The following MLLT3 variants were observed in gnomAD, a reference collection of about 807,000 sequenced individuals.
The protein encoded by MLLT3 is MLLT3 super elongation complex subunit, also known as protein AF-9.
MLLT3 carries 4 observed loss-of-function variants against 53.2 expected under a neutral mutation model. That is an observed-to-expected ratio of 0.08 (90% confidence interval 0.04 to 0.17). The LOEUF (loss-of-function observed/expected upper bound fraction) is 0.17. Ranked by LOEUF, MLLT3 falls within the 10% of genes least tolerant of loss-of-function variation. The probability of loss-of-function intolerance (pLI) is 1.00; values close to 1 mark genes in which losing one functional copy is unlikely to be tolerated. For missense variants in MLLT3, 569 were observed against 684.0 expected (o/e 0.83, Z 1.87); for synonymous variants, 283 against 230.6 (o/e 1.23, Z -2.06).
At chr9:20,542,351 C>T (rs550999513) in intron 2 of MLLT3, among the ~76,000 whole-genome samples, 20 of 151,704 alleles carry the variant, frequency 1.3e-4, no homozygotes, top group Non-Finnish European at 2.5e-4. Context: ...CCCAGGTTCA[C>T]GCCATTCTCC....
chr9:20,572,834 G>C (rs192853592), intron 2 of MLLT3, among the ~76,000 whole-genome samples: 1 of 152,214 alleles, frequency 6.6e-6, no homozygotes, highest in East Asian at 1.9e-4. Flanking sequence ...GTAACATCCA[G>C]ATTTCTCAGT....
At chr9:20,403,702 A>C (rs1486951290) in intron 5 of MLLT3, among the ~76,000 whole-genome samples, 1 of 152,218 alleles carries the variant, frequency 6.6e-6, no homozygotes, top group Non-Finnish European at 1.5e-5. Context: ...ACTTTAAATT[A>C]AAATAACGCT....
chr9:20,545,722 T>G (rs935544960), intron 2 of MLLT3, among the ~76,000 whole-genome samples: 1 of 152,040 alleles, frequency 6.6e-6, no homozygotes, highest in African/African-American at 2.4e-5. Flanking sequence ...ACATTCATAT[T>G]CAATTATGAA....
intron 4 of MLLT3, among the ~76,000 whole-genome samples, chr9:20,416,831 TAAAAG>T (rs990814680): frequency 3.9e-5 from 6 of 151,952 alleles, no homozygotes; most frequent in Admixed American, 6.5e-5. Context: ...ATTTAAAAAA[TAAAAG>T]GAGAGAGAGC....
intron 7 of MLLT3, among the ~76,000 whole-genome samples, chr9:20,361,140 C>T (rs1821311734): frequency 6.6e-6 from 1 of 152,186 alleles, no homozygotes; most frequent in South Asian, 2.1e-4. Context: ...AATTCAAATA[C>T]AAGCAAGTGG....
intron 2 of MLLT3, among the ~76,000 whole-genome samples, chr9:20,555,904 A>C (rs1445315651): frequency 6.6e-6 from 1 of 152,246 alleles, no homozygotes; most frequent in African/African-American, 2.4e-5. Context: ...TCTGCCAACA[A>C]ATCATTAAAA....
In MLLT3 at chr9:20,343,214, A is replaced by AAAAAAAAAAAAAAAAAAAAAAAAAATTT. The variant is rs56934102; in HGVS notation, c.*3228_*3229insAAATTTTTTTTTTTTTTTTTTTTTTTTT. ...AAAAAAAAAAAAAAAAAAAAAAAAA[A>AAAAAAAAAAAAAAAAAAAAAAAAAATTT]TTTTGAAGAAACTTTTTAGTGGAAG... On this transcript the variant is annotated 3_prime_UTR_variant, in exon 11 of 11. Transcript: ENST00000380338. 1 of 115,062 alleles carries AAAAAAAAAAAAAAAAAAAAAAAAAATTT rather than the reference A, an allele frequency of 8.7e-6. No homozygotes were observed. The highest frequency in any genetic ancestry group is 6.7e-5 in the African/African-American group (1 of 14,932). The allele number at this position is 115,062 out of a possible 1,614,324, so 7.1% of individuals were successfully genotyped here.
At chr9:20,452,731 G>C (rs938797358) in intron 3 of MLLT3, among the ~76,000 whole-genome samples, 5 of 152,006 alleles carry the variant, frequency 3.3e-5, no homozygotes, top group African/African-American at 1.2e-4. Context: ...CTGGACCTTG[G>C]GGAATAAGCC....
At chr9:20,546,163 A>C (rs1818781815) in intron 2 of MLLT3, among the ~76,000 whole-genome samples, 1 of 152,234 alleles carries the variant, frequency 6.6e-6, no homozygotes, top group Admixed American at 6.5e-5. Context: ...AACACACAGG[A>C]ACGTAGGAGT....
chr9:20,536,173 A>AAAAACAAAACAAAACAAAAC (rs141799842), intron 2 of MLLT3, among the ~76,000 whole-genome samples: 2 of 150,552 alleles, frequency 1.3e-5, no homozygotes, highest in Non-Finnish European at 3.0e-5. Flanking sequence ...CAGCATCTTT[A>AAAAACAAAACAAAACAAAAC]AAAACAAAAC....
intron 2 of MLLT3, among the ~76,000 whole-genome samples, chr9:20,575,803 C>T (rs1230720479): frequency 6.6e-6 from 1 of 152,146 alleles, no homozygotes; most frequent in Non-Finnish European, 1.5e-5. Flanking sequence ...GTAGATTTAG[C>T]ATAAGTCTTA....
Position 20,344,002 on chromosome 9 carries a change from T to C in MLLT3, c.*2441A>G, listed in dbSNP as rs1317063064. The stretch of plus-strand genomic sequence containing the variant: ...AACGTAACTCTCAGTCTTAATTTTG[T>C]GAAAAACTTACTTTGCTATCTTGAT... On this transcript the variant is annotated 3_prime_UTR_variant, in exon 11 of 11. Transcript: ENST00000380338. 9.9e-6 allele frequency: 2 copies of C among 202,952 alleles called. No individual in the cohort carries two copies. Among genetic ancestry groups the C allele is most frequent in the Non-Finnish European group, 2.0e-5 (2 of 99,048 alleles). 12.6% of individuals were successfully genotyped at this position (202,952 alleles called of 1,614,324 possible).
chr9:20,589,709 G>A (rs1020754762), intron 2 of MLLT3, among the ~76,000 whole-genome samples: 7 of 135,798 alleles, frequency 5.2e-5, no homozygotes, highest in African/African-American at 1.4e-4. Flanking sequence ...GGTTTTAATC[G>A]GTGATTTTTT....
At chr9:20,434,024 G>A (rs1405793814) in intron 4 of MLLT3, among the ~76,000 whole-genome samples, 1 of 152,060 alleles carries the variant, frequency 6.6e-6, no homozygotes. Flanking sequence ...AGGAGGATGA[G>A]GCAGCAGAAT....
At chr9:20,613,566 C>T (rs890958956) in intron 2 of MLLT3, among the ~76,000 whole-genome samples, 2 of 150,950 alleles carry the variant, frequency 1.3e-5, no homozygotes, top group Admixed American at 6.6e-5. Context: ...TTTGTTATAT[C>T]ATTCTCTGCA....
intron 2 of MLLT3, among the ~76,000 whole-genome samples, chr9:20,545,527 T>C (rs1010948575): frequency 2.6e-5 from 4 of 152,182 alleles, no homozygotes; most frequent in Non-Finnish European, 2.9e-5. Flanking sequence ...ATACTGTACA[T>C]TTGGAAACTA....
At chr9:20,413,608 G>A in intron 5 of MLLT3, 113 bp downstream of exon 5, 2 of 864,094 alleles carry the variant, frequency 2.3e-6, no homozygotes, top group Non-Finnish European at 3.5e-6. Flanking sequence ...CTACCTCTGT[G>A]CTACCATTTT....
intron 2 of MLLT3, among the ~76,000 whole-genome samples, chr9:20,619,914 C>T (rs1411164911): frequency 6.6e-6 from 1 of 152,162 alleles, no homozygotes; most frequent in African/African-American, 2.4e-5. Flanking sequence ...TCCTCTTCAA[C>T]TTAGCTTCGA....
intron 2 of MLLT3, among the ~76,000 whole-genome samples, chr9:20,561,742 ATC>A (rs1303472766): frequency 6.6e-6 from 1 of 152,182 alleles, no homozygotes; most frequent in Non-Finnish European, 1.5e-5. Flanking sequence ...ACATCCACAA[ATC>A]TGTTTGATCT....
Sources: gnomAD v4.1 joint callset for allele counts (sites outside exome capture counted in the v4.1 genomes callset) on GRCh38, gnomAD v4.1.1 for gene constraint, MANE v1.5 for transcripts, NCBI Gene and HGNC (gene_info 2026-07-23, HGNC 2026-07-21) for gene names.